Variants in SART1 observed in about 807,000 individuals in gnomAD.
The protein encoded by SART1 is spliceosome associated factor 1, recruiter of U4/U6.U5 tri-snRNP.
In SART1, 28 loss-of-function variants were observed where a neutral mutation model predicts 105.0. The observed-to-expected ratio is 0.27, with a 90% CI of 0.20 to 0.37. The LOEUF is 0.37. Among genes scored for constraint, SART1 ranks in the 10% least tolerant of loss-of-function variants. SART1 has a pLI of 1.00. For missense variants in SART1, 894 were observed against 1,106.5 expected, an observed-to-expected ratio of 0.81 and a Z score of 2.72; for synonymous variants, 472 against 462.9, an observed-to-expected ratio of 1.02 and a Z score of -0.25.
chr11:65,966,679 G>C, intron 9 of SART1, 123 bp downstream of exon 9: 2 of 1,165,408 alleles, frequency 1.7e-6, no homozygotes, highest in Admixed American at 3.0e-5. Context: ...TTGGCCTCGC[G>C]GGTGAGCACT....
intron 1 of SART1, 63 bp downstream of exon 1, chr11:65,962,156 G>C: frequency 1.7e-6 from 2 of 1,169,424 alleles, no homozygotes. Context: ...CGTGGGTCTG[G>C]GTGTGCGCGC....
In SART1 at chr11:65,977,833, C is replaced by T. The variant is rs779654804; in HGVS notation, c.2106C>T (p.Asp702=). 41 of 1,613,806 alleles carry T rather than the reference C, an allele frequency of 2.5e-5. No homozygotes were observed. The Admixed American group carries it at 3.7e-4, about 14-fold the overall frequency. ...RGFTQDFKEK[D]GYKPDVKIEY... ...TCACACAGGACTTCAAGGAGAAGGA[C>T]GGCTACAAACCCGACGTTAAGATCG... The change falls in exon 17 of 20, where the codon GAC becomes GAT. Residue 702 remains aspartate (D), a synonymous_variant. Coordinates refer to ENST00000312397, the MANE Select transcript of SART1 (RefSeq NM_005146.5).
Position 65,976,781 on chromosome 11 carries a change from G to A in SART1, c.1857+15G>A, listed in dbSNP as rs755714375. 26 of 1,584,744 alleles carry A rather than the reference G, an allele frequency of 1.6e-5. No homozygotes were observed. The highest frequency in any genetic ancestry group is 7.1e-5 in the Admixed American group (4 of 56,106). On this transcript the variant is annotated intron_variant, in intron 14 of 19. Coordinates refer to ENST00000312397, the MANE Select transcript of SART1 (RefSeq NM_005146.5). This position sits in a 1 kb window ranked among gnomAD's most constrained non-coding sequence, Gnocchi z 5.1. ...AGCAGCAGGATGTGAGGGCCGCGCCGCTGGGGGGTGGGCGTTTGGGGGTGC... is the reference window on the plus strand; with the variant it reads ...AGCAGCAGGATGTGAGGGCCGCGCCACTGGGGGGTGGGCGTTTGGGGGTGC...
chr11:65,969,379 G>A (rs1855325422), intron 12 of SART1, among the ~76,000 whole-genome samples: 1 of 152,190 alleles, frequency 6.6e-6, no homozygotes, highest in East Asian at 1.9e-4. Flanking sequence ...TTTTATGACT[G>A]AAATGAACAT....
At chr11:65,974,045 T>C (rs1416125469) in intron 12 of SART1, among the ~76,000 whole-genome samples, 1 of 151,104 alleles carries the variant, frequency 6.6e-6, no homozygotes, top group African/African-American at 2.4e-5. Flanking sequence ...GGGACATGGG[T>C]GTGTGTTTAG....
chr11:65,962,130 C>CGCGGGGGGGGGGTGGGGG, intron 1 of SART1, 37 bp downstream of exon 1: 1 of 111,094 alleles, frequency 9.0e-6, no homozygotes, highest in Non-Finnish European at 1.6e-5. Flanking sequence ...GCGGGTCGGG[C>CGCGGGGGGGGGGTGGGGG]GGGGGTCCCG....
At position 65,964,549 on chromosome 11, in the gene SART1, G is replaced by A; in HGVS notation, c.406G>A (p.Glu136Lys). ...GGCAAAGTTGGGGCTGAAACCCTTG[G>A]AGGTTAATGCCATCAAGAAGGGTGA... is the stretch of plus-strand genomic sequence containing the variant. ...LRAKLGLKPL[E>K]VNAIKKEAGT... is the part of the protein sequence containing the mutation. The change falls in exon 3 of 20, where the codon GAG becomes AAG. Residue 136 changes from glutamate (E) to lysine (K), a missense_variant. By Grantham distance (56) the Glu-to-Lys change is moderately conservative. This residue lies in a region of SART1 where 712 missense variants were observed against 778.2 expected (regional missense o/e 0.91). Transcript: ENST00000312397. 5.0e-6 allele frequency: 8 copies of A among 1,612,416 alleles called. No individual in the cohort carries two copies. Among genetic ancestry groups the A allele is most frequent in the Non-Finnish European group, 6.8e-6 (8 of 1,179,574 alleles).
Position 65,976,503 on chromosome 11 carries a change from C to T in SART1, c.1681C>T (p.Arg561Cys). 1 of 1,589,304 alleles carries T rather than the reference C, an allele frequency of 6.3e-7. No homozygotes were observed. The highest frequency in any genetic ancestry group is 8.6e-7 in the Non-Finnish European group (1 of 1,167,264). The part of the protein sequence containing the change: ...IVFNATSEFC[R>C]TLGEIPTYGL... ...GTTCAACGCCACGTCCGAGTTCTGC[C>T]GCACCTTGGGGGAGATCCCCACCTA... The change falls in exon 13 of 20, where the codon CGC (arginine) becomes TGC (cysteine). Residue 561 changes from arginine (R) to cysteine (C), a missense_variant. Arg to Cys is a radical substitution (Grantham distance 180). Transcript: ENST00000312397. This position sits in a 1 kb window ranked among gnomAD's most constrained non-coding sequence, Gnocchi z 5.1.
intron 12 of SART1, among the ~76,000 whole-genome samples, chr11:65,972,494 T>C (rs532585709): frequency 1.3e-5 from 2 of 152,158 alleles, no homozygotes; most frequent in Non-Finnish European, 2.9e-5. Context: ...TAGAAAAGAT[T>C]TTTTAAGTTG....
In SART1 at chr11:65,966,023, C is replaced by T. The variant is rs180938697; in HGVS notation, c.838+37C>T. On this transcript the variant is annotated intron_variant, in intron 7 of 19. Transcript: ENST00000312397. ...TGGGTGCCCTGGGTGGGGGCACAGC[C>T]TCTGCTGAGTTGCGGACAAGTGTGA... 3,421 of 1,613,940 alleles carry T rather than the reference C, an allele frequency of 2.1e-3. 5 individuals carry two copies. The highest frequency in any genetic ancestry group is 2.6e-3 in the Non-Finnish European group (3,033 of 1,179,938).
chr11:65,975,436 C>T (rs1291561388), intron 12 of SART1, among the ~76,000 whole-genome samples: 4 of 121,370 alleles, frequency 3.3e-5, no homozygotes, highest in African/African-American at 6.4e-5. Context: ...TTTTTCGAGA[C>T]GGGGTTTCAC....
chr11:65,968,843 C>T (rs531346026), intron 12 of SART1, among the ~76,000 whole-genome samples: 2 of 152,182 alleles, frequency 1.3e-5, no homozygotes, highest in African/African-American at 2.4e-5. Flanking sequence ...GTCGCTGCCC[C>T]AGAGGCACAG....
chr11:65,978,940 AGGGTGTGGTG>A lies in SART1; in HGVS notation c.2384+30_2384+39del, dbSNP rs760071140. ...GTGAGTGGCTCGAGGCTGGTGGGGTAGGGTGTGGTGGGGAGGGGTGGCGTGGCCTGTGCCC... is the reference window on the plus strand; with the variant it reads ...GTGAGTGGCTCGAGGCTGGTGGGGTAGGGAGGGGTGGCGTGGCCTGTGCCC... On this transcript the variant is annotated intron_variant, in intron 19 of 19. Coordinates refer to ENST00000312397, the MANE Select transcript of SART1 (RefSeq NM_005146.5). This position sits in a 1 kb window ranked among gnomAD's most constrained non-coding sequence, Gnocchi z 6.8. The A allele has an allele frequency of 6.7e-7, 1 of 1,492,370 alleles. No individual in the cohort carries two copies. The highest frequency in any genetic ancestry group is 1.1e-5 in the South Asian group (1 of 89,276). 92.4% of individuals were successfully genotyped at this position (1,492,370 alleles called of 1,614,324 possible).
intron 5 of SART1, 88 bp from the exon 6 acceptor site, chr11:65,965,613 CT>C: frequency 7.0e-7 from 1 of 1,429,336 alleles, no homozygotes; most frequent in Non-Finnish European, 9.7e-7. Context: ...AAGGCCTGCC[CT>C]TTTTGCACTC....
Position 65,976,288 on chromosome 11 carries a change from G to T in SART1, c.1573-107G>T. The stretch of plus-strand genomic sequence containing the variant: ...TAGCAGCTGGGCCTGCATGGGCTGT[G>T]GGCGTGGCCTGTCTGGCTGCTGCCA... On this transcript the variant is annotated intron_variant, in intron 12 of 19. Transcript: ENST00000312397. The surrounding 1 kb of genome is among the most constrained non-coding windows in gnomAD (Gnocchi z 5.1). 1.7e-6 allele frequency: 2 copies of T among 1,183,376 alleles called. No individual in the cohort carries two copies. Among genetic ancestry groups the T allele is most frequent in the East Asian group, 5.3e-5 (2 of 37,722 alleles). The allele number at this position is 1,183,376 out of a possible 1,614,324, so 73.3% of individuals were successfully genotyped here.
At chr11:65,964,432 T>C in intron 2 of SART1, 83 bp from the exon 3 acceptor site, 1 of 1,519,612 alleles carries the variant, frequency 6.6e-7, no homozygotes, top group Non-Finnish European at 9.1e-7. Context: ...ACTCCCACCC[T>C]GTTTCTCCTC....
chr11:65,964,370 C>T lies in SART1; in HGVS notation c.372-145C>T. The T allele has an allele frequency of 1.1e-5, 11 of 999,912 alleles. No homozygotes were observed. In the South Asian group the frequency reaches 1.4e-4, roughly 12 times the overall value. 61.9% of individuals were successfully genotyped at this position (999,912 alleles called of 1,614,324 possible). A position where few individuals can be genotyped will look rare whatever the true frequency, so the allele number is the denominator to read the frequency against. ...TGTTTCCTGCTTTGGAGGCCAGGGC[C>T]CTTCCCAGTGTCCTAGGCTGCCTGG... On this transcript the variant is annotated intron_variant, in intron 2 of 19. Coordinates refer to ENST00000312397, the MANE Select transcript of SART1 (RefSeq NM_005146.5).
intron 9 of SART1, among the ~76,000 whole-genome samples, chr11:65,966,886 G>A (rs1431860744): frequency 5.3e-5 from 8 of 152,170 alleles, no homozygotes; most frequent in Admixed American, 1.3e-4. Flanking sequence ...GAGTGACAGC[G>A]TGGGTGAGGG....
At position 65,961,962 on chromosome 11, in the gene SART1, G is replaced by A. The variant is rs1247656074; in HGVS notation, c.182G>A (p.Gly61Asp). The change falls in exon 1 of 20, where the codon GGC becomes GAC. Residue 61 changes from glycine to aspartate, a missense_variant. Coordinates refer to ENST00000312397, the MANE Select transcript of SART1 (RefSeq NM_005146.5). ...ERRKRSRERGGERGSGRRGAE... is the reference protein window; with the variant it reads ...ERRKRSRERGDERGSGRRGAE... ...CGGAAGCGGAGCCGGGAACGTGGGG[G>A]CGAGCGCGGGAGCGGGCGGCGCGGG... 6.6e-7 allele frequency: 1 copy of A among 1,524,412 alleles called. No homozygotes were observed. Among genetic ancestry groups the A allele is most frequent in the Non-Finnish European group, 8.8e-7 (1 of 1,137,954 alleles). The allele number at this position is 1,524,412 out of a possible 1,614,324, so 94.4% of individuals were successfully genotyped here.
Sources: gnomAD v4.1 joint callset for allele counts (sites outside exome capture counted in the v4.1 genomes callset) on GRCh38, gnomAD v4.1.1 for gene constraint, gnomAD v4.1.1 regional missense constraint, Gnocchi (gnomAD v3.1) non-coding constraint, MANE v1.5 for transcripts, NCBI Gene and HGNC (gene_info 2026-07-23, HGNC 2026-07-21) for gene names.